The following IL6ST variants were observed in gnomAD, a reference collection of about 807,000 sequenced individuals.
IL6ST encodes interleukin-6 receptor subunit beta.
A neutral mutation model predicts 91.3 loss-of-function variants in IL6ST; 24 were observed. The observed-to-expected ratio is 0.26, with a 90% CI of 0.19 to 0.37. The LOEUF (loss-of-function observed/expected upper bound fraction) is 0.37. Ranked by LOEUF, IL6ST falls within the 10% of genes least tolerant of loss-of-function variation. IL6ST has a pLI of 1.00. For missense variants in IL6ST, 914 were observed against 1,078.5 expected, an observed-to-expected ratio of 0.85 and a Z score of 2.14; for synonymous variants, 351 against 373.6, an observed-to-expected ratio of 0.94 and a Z score of 0.70.
chr5:55,958,573 C>T (rs967425785), intron 8 of IL6ST, among the ~76,000 whole-genome samples: 1 of 151,994 alleles, frequency 6.6e-6, no homozygotes, highest in African/African-American at 2.4e-5. Context: ...TGTGGTGGCT[C>T]GTGCCTGCGA....
intron 13 of IL6ST, 31 bp from the exon 14 acceptor site, chr5:55,951,635 A>G: frequency 6.3e-7 from 1 of 1,595,166 alleles, no homozygotes; most frequent in Non-Finnish European, 8.5e-7. Flanking sequence ...GCTTCATTCA[A>G]CTATTCAATG....
At chr5:55,992,844 A>G (rs1001165215) in intron 1 of IL6ST, among the ~76,000 whole-genome samples, 7 of 152,216 alleles carry the variant, frequency 4.6e-5, no homozygotes, top group African/African-American at 1.7e-4. Context: ...GATTTTCTGC[A>G]TCACTCTGCA....
chr5:55,975,668 A>G (rs1046523006), intron 3 of IL6ST, among the ~76,000 whole-genome samples: 1 of 152,126 alleles, frequency 6.6e-6, no homozygotes, highest in Non-Finnish European at 1.5e-5. Context: ...ATGTCCAGCC[A>G]GTATTCTATT....
At chr5:55,946,468 G>C (rs1471828577) in intron 15 of IL6ST, among the ~76,000 whole-genome samples, 1 of 152,150 alleles carries the variant, frequency 6.6e-6, no homozygotes, top group African/African-American at 2.4e-5. Flanking sequence ...TTCCATAACA[G>C]ATCAGTCTAA....
Position 55,939,628 on chromosome 5 carries a change from A to T in IL6ST, c.*1454T>A, listed in dbSNP as rs1750756533. On this transcript the variant is annotated 3_prime_UTR_variant, in exon 17 of 17. Transcript: ENST00000381298. ...TTGAATTCACTTGATAGCAGTAGTC[A>T]ATCACTAATAACGCTTGCTAATTTC... is the stretch of plus-strand genomic sequence containing the variant. 9.8e-6 allele frequency: 2 copies of T among 203,898 alleles called. No homozygotes were observed. The highest frequency in any genetic ancestry group is 3.8e-4 in the South Asian group (2 of 5,274). The allele number at this position is 203,898 out of a possible 1,614,324, so 12.6% of individuals were successfully genotyped here. A position where few individuals can be genotyped will look rare whatever the true frequency, so the allele number is the denominator to read the frequency against.
intron 2 of IL6ST, among the ~76,000 whole-genome samples, chr5:55,977,656 T>C (rs964567434): frequency 1.3e-5 from 2 of 152,052 alleles, no homozygotes; most frequent in African/African-American, 4.8e-5. Flanking sequence ...TGAAACCCCA[T>C]CTCTATTAAA....
intron 3 of IL6ST, among the ~76,000 whole-genome samples, chr5:55,974,936 TACAC>T (rs376327228): frequency 2.0e-5 from 3 of 147,344 alleles, no homozygotes; most frequent in Non-Finnish European, 4.5e-5. Flanking sequence ...GTATTATTCA[TACAC>T]ACACACACAC....
At chr5:55,973,896 A>T (rs959644167) in intron 3 of IL6ST, among the ~76,000 whole-genome samples, 1 of 152,252 alleles carries the variant, frequency 6.6e-6, no homozygotes, top group Non-Finnish European at 1.5e-5. Context: ...TCGGATGAAA[A>T]TGTTGGGATT....
chr5:55,970,807 T>C (rs970238997), intron 3 of IL6ST, among the ~76,000 whole-genome samples: 3 of 152,082 alleles, frequency 2.0e-5, no homozygotes, highest in Admixed American at 2.0e-4. Flanking sequence ...CTTGGGAGGC[T>C]GAGGCATGAG....
At chr5:55,984,024 A>G (rs1223342194) in intron 1 of IL6ST, among the ~76,000 whole-genome samples, 1 of 150,294 alleles carries the variant, frequency 6.7e-6, no homozygotes, top group Non-Finnish European at 1.5e-5. Flanking sequence ...TTTTTTCTAC[A>G]ACACTTAACA....
At chr5:55,965,356 C>T (rs149638792) in intron 5 of IL6ST, among the ~76,000 whole-genome samples, 12 of 152,180 alleles carry the variant, frequency 7.9e-5, no homozygotes, top group East Asian at 5.8e-4. Flanking sequence ...AAGATGTAGA[C>T]GTCAGGTAAA....
intron 15 of IL6ST, among the ~76,000 whole-genome samples, chr5:55,945,605 A>G (rs1427202289): frequency 6.6e-6 from 1 of 151,856 alleles, no homozygotes; most frequent in Admixed American, 6.6e-5. Flanking sequence ...AACCACAGAA[A>G]AAAAACTGAT....
intron 1 of IL6ST, among the ~76,000 whole-genome samples, chr5:55,994,456 T>C (rs892441187): frequency 2.0e-5 from 3 of 151,688 alleles, no homozygotes; most frequent in Non-Finnish European, 4.4e-5. Context: ...GAAAAGGGGA[T>C]TGGGAAAAAC....
At chr5:55,951,400 AAAC>A (rs1270292556) in intron 14 of IL6ST, 61 bp downstream of exon 14, 7 of 1,265,914 alleles carry the variant, frequency 5.5e-6, no homozygotes, top group Non-Finnish European at 7.9e-6. Flanking sequence ...TTTAGCACAT[AAAC>A]TAAGTTCATT....
intron 15 of IL6ST, among the ~76,000 whole-genome samples, chr5:55,944,234 C>T (rs1751101240): frequency 6.6e-6 from 1 of 152,070 alleles, no homozygotes; most frequent in African/African-American, 2.4e-5. Context: ...TTAGCCAGTG[C>T]ATTAAGACAA....
chr5:55,993,088 T>C (rs997815443), intron 1 of IL6ST, among the ~76,000 whole-genome samples: 2 of 152,236 alleles, frequency 1.3e-5, no homozygotes, highest in Admixed American at 1.3e-4. Context: ...GAACATTCCA[T>C]GCTTCTCTAG....
chr5:55,976,075 A>G (rs906814360), intron 3 of IL6ST, 140 bp downstream of exon 3: 6 of 403,592 alleles, frequency 1.5e-5, no homozygotes, highest in Non-Finnish European at 2.7e-5. Flanking sequence ...ATTAAAATCA[A>G]TTTAAGATAT....
chr5:55,966,898 T>G (rs1019456006), intron 5 of IL6ST, among the ~76,000 whole-genome samples: 1 of 151,994 alleles, frequency 6.6e-6, no homozygotes, highest in African/African-American at 2.4e-5. Context: ...AGTGAAACAT[T>G]ATCTGGTCTT....
chr5:55,991,729 A>G (rs1754340110), intron 1 of IL6ST, among the ~76,000 whole-genome samples: 1 of 151,158 alleles, frequency 6.6e-6, no homozygotes, highest in African/African-American at 2.4e-5. Flanking sequence ...TCCAATACTC[A>G]AGTTTCTCTA....
Sources: allele counts gnomAD v4.1 joint callset (sites outside exome capture counted in the v4.1 genomes callset), GRCh38; gene constraint gnomAD v4.1.1; transcripts MANE v1.5; gene names NCBI Gene and HGNC (gene_info 2026-07-23, HGNC 2026-07-21).